Variants in NT5DC1 observed in about 807,000 individuals in gnomAD.
The protein encoded by NT5DC1 is 5'-nucleotidase domain containing 1, also known as 5'-nucleotidase domain-containing protein 1.
NT5DC1 carries 42 observed loss-of-function variants against 59.4 expected under a neutral mutation model. The ratio of observed to expected loss-of-function variants is 0.71; its 90% CI spans 0.55 to 0.92. The LOEUF is 0.92. Ranked by LOEUF, NT5DC1 falls within the 40% of genes least tolerant of loss-of-function variation. The pLI is 0.00. For missense variants in NT5DC1, 501 were observed against 537.1 expected, an observed-to-expected ratio of 0.93 and a Z score of 0.66; for synonymous variants, 172 against 188.1, an observed-to-expected ratio of 0.91 and a Z score of 0.70.
Position 116,106,338 on chromosome 6 carries a change from A to T in NT5DC1, c.185+3A>T. On this transcript the variant is annotated splice_donor_region_variant and intron_variant, in intron 2 of 11. Transcript: ENST00000319550. Reference sequence around the variant, plus strand: ...ACCCCAGAGGATTGGGATTTCTGGTAAGTTCTTTTTTTTTTTTTTTTTTTA... The same window carrying T: ...ACCCCAGAGGATTGGGATTTCTGGTTAGTTCTTTTTTTTTTTTTTTTTTTA... 1 of 1,260,976 alleles carries T rather than the reference A, an allele frequency of 7.9e-7. No homozygotes were observed. Among genetic ancestry groups the T allele is most frequent in the Non-Finnish European group, 1.1e-6 (1 of 891,364 alleles). 78.1% of individuals were successfully genotyped at this position (1,260,976 alleles called of 1,614,324 possible).
rs142979883 is a variant in NT5DC1 at position 116,156,457 on chromosome 6, C to T, written c.529+38512C>T. ...TTTCACTTAGCTTATTATAGTCTGC[C>T]TCATAAGGGATTACTATGCTGTGTA... On this transcript the variant is annotated intron_variant, in intron 6 of 11. Transcript: ENST00000319550. Among the ~76,000 whole-genome samples, 64 of 152,122 alleles carry T rather than the reference C, an allele frequency of 4.2e-4. No individual in the cohort carries two copies. The East Asian group carries it at 0.011, about 27-fold the overall frequency.
chr6:116,218,669 C>G (rs1344809053), intron 6 of NT5DC1, among the ~76,000 whole-genome samples: 1 of 152,092 alleles, frequency 6.6e-6, no homozygotes, highest in Non-Finnish European at 1.5e-5. Context: ...TATTATATAG[C>G]CTCTGGCATG....
At chr6:116,153,202 T>A (rs111543196) in intron 6 of NT5DC1, among the ~76,000 whole-genome samples, 4 of 152,144 alleles carry the variant, frequency 2.6e-5, no homozygotes, top group African/African-American at 9.6e-5. Context: ...GAATTAAGAA[T>A]TTTTTTAAAT....
intron 10 of NT5DC1, 145 bp from the exon 11 acceptor site, chr6:116,238,810 C>G: frequency 1.8e-6 from 1 of 566,116 alleles, no homozygotes; most frequent in Non-Finnish European, 3.1e-6. Context: ...AATATTATTC[C>G]TGTTCCAAAA....
At chr6:116,116,451 G>A (rs538358151) in intron 5 of NT5DC1, among the ~76,000 whole-genome samples, 1 of 152,278 alleles carries the variant, frequency 6.6e-6, no homozygotes, top group East Asian at 1.9e-4. Context: ...AGACCAGCCT[G>A]GCCAATATGG....
Position 116,121,874 on chromosome 6 carries a change from C to T in NT5DC1, c.529+3929C>T, listed in dbSNP as rs754330529. 9 of 1,613,960 alleles carry T rather than the reference C, an allele frequency of 5.6e-6. No individual in the cohort carries two copies. The highest frequency in any genetic ancestry group is 1.1e-5 in the South Asian group (1 of 91,034). Reference sequence around the variant, plus strand: ...TCCAGGACTTCCGTAGCCTGGTTTTCCTGGTGGTCCAGAAGGACCTGGGTG... The same window carrying T: ...TCCAGGACTTCCGTAGCCTGGTTTTTCTGGTGGTCCAGAAGGACCTGGGTG... On this transcript the variant is annotated intron_variant, in intron 6 of 11. Transcript: ENST00000319550.
At chr6:116,241,220 G>A (rs901882773) in intron 11 of NT5DC1, among the ~76,000 whole-genome samples, 4 of 151,272 alleles carry the variant, frequency 2.6e-5, no homozygotes, top group African/African-American at 7.3e-5. Context: ...CTGCACTAAA[G>A]GAAATAAAGA....
intron 11 of NT5DC1, among the ~76,000 whole-genome samples, chr6:116,239,456 A>T (rs1782183196): frequency 6.6e-6 from 1 of 152,190 alleles, no homozygotes; most frequent in Non-Finnish European, 1.5e-5. Flanking sequence ...CGGAGGCGGC[A>T]CCACAGAGGG....
chr6:116,125,761 T>C, intron 6 of NT5DC1: 1 of 328,962 alleles, frequency 3.0e-6, no homozygotes. Context: ...AAACAGAAAT[T>C]AGGATTGGAT....
chr6:116,178,071 G>A (rs1780777443), intron 6 of NT5DC1, among the ~76,000 whole-genome samples: 2 of 109,890 alleles, frequency 1.8e-5, no homozygotes, highest in African/African-American at 8.5e-5. Context: ...GTGTGTGTGT[G>A]TGTGTGTGTG....
intron 6 of NT5DC1, chr6:116,125,353 G>T: frequency 6.2e-7 from 1 of 1,613,692 alleles, no homozygotes; most frequent in Non-Finnish European, 8.5e-7. Flanking sequence ...ACTCTTTATG[G>T]TGTAGGGAAT....
chr6:116,104,955 T>A (rs1778741428), intron 1 of NT5DC1, among the ~76,000 whole-genome samples: 1 of 152,086 alleles, frequency 6.6e-6, no homozygotes, highest in Admixed American at 6.5e-5. Flanking sequence ...AAGCTCTGGG[T>A]AGTTTTAAGA....
At chr6:116,187,331 T>A (rs1427399997) in intron 6 of NT5DC1, among the ~76,000 whole-genome samples, 1 of 152,040 alleles carries the variant, frequency 6.6e-6, no homozygotes, top group African/African-American at 2.4e-5. Flanking sequence ...ACCAAAATTT[T>A]AACAAGTTTC....
At chr6:116,131,419 C>G (rs1779460988) in intron 6 of NT5DC1, among the ~76,000 whole-genome samples, 1 of 152,122 alleles carries the variant, frequency 6.6e-6, no homozygotes, top group African/African-American at 2.4e-5. Context: ...ATATCCCTCC[C>G]AACTTCTTAA....
At chr6:116,129,395 A>C (rs942130112) in intron 6 of NT5DC1, among the ~76,000 whole-genome samples, 2 of 152,202 alleles carry the variant, frequency 1.3e-5, no homozygotes, top group African/African-American at 4.8e-5. Flanking sequence ...CTTAATTCTT[A>C]ATGTAACAGT....
chr6:116,203,872 G>T (rs1285842281), intron 6 of NT5DC1, among the ~76,000 whole-genome samples: 1 of 151,926 alleles, frequency 6.6e-6, no homozygotes, highest in African/African-American at 2.4e-5. Flanking sequence ...AGTACTTGAT[G>T]TTGTCAGAAA....
chr6:116,117,805 C>T, intron 5 of NT5DC1, 56 bp from the exon 6 acceptor site: 1 of 982,980 alleles, frequency 1.0e-6, no homozygotes, highest in South Asian at 1.4e-5. Context: ...CAGCATTTTT[C>T]ACTATGCTTA....
intron 8 of NT5DC1, among the ~76,000 whole-genome samples, chr6:116,229,776 A>G (rs1781980697): frequency 6.6e-6 from 1 of 151,994 alleles, no homozygotes; most frequent in Admixed American, 6.6e-5. Flanking sequence ...ATCATGAGCC[A>G]ACTCTCTCTG....
intron 6 of NT5DC1, among the ~76,000 whole-genome samples, chr6:116,218,618 C>A (rs543224512): frequency 6.6e-6 from 1 of 152,158 alleles, no homozygotes; most frequent in East Asian, 1.9e-4. Context: ...ACTTCCTCTT[C>A]CCTGGGAAAC....
Sources: allele counts gnomAD v4.1 joint callset (sites outside exome capture counted in the v4.1 genomes callset), GRCh38; gene constraint gnomAD v4.1.1; transcripts MANE v1.5; gene names NCBI Gene and HGNC (gene_info 2026-07-23, HGNC 2026-07-21).